Variants in DISC1 observed in about 807,000 individuals in gnomAD.
The protein encoded by DISC1 is DISC1 scaffold protein, also known as disrupted in schizophrenia 1 protein.
DISC1 carries 57 observed loss-of-function variants against 84.5 expected under a neutral mutation model. The observed-to-expected ratio is 0.67, with a 90% CI of 0.55 to 0.84. The LOEUF is 0.84. Among genes scored for constraint, DISC1 ranks in the 40% least tolerant of loss-of-function variants. DISC1 has a pLI of 0.00. For missense variants in DISC1, 1,000 were observed against 1,057.8 expected (o/e 0.95, Z 0.76); for synonymous variants, 411 against 415.2 (o/e 0.99, Z 0.12).
chr1:232,039,421 G>A lies in DISC1; in HGVS notation c.*2590G>A, dbSNP rs201925191. ...TAACTGCCTTGAATTGTTTGAACCC[G>A]AAATAAGGGTTCTTTGGTACCTCTA... On this transcript the variant is annotated 3_prime_UTR_variant, in exon 13 of 13. Transcript: ENST00000439617. 8 of 152,134 alleles carry A rather than the reference G, an allele frequency of 5.3e-5. No individual in the cohort carries two copies. Among genetic ancestry groups the A allele is most frequent in the Non-Finnish European group, 8.8e-5 (6 of 68,020 alleles). The allele number at this position is 152,134 out of a possible 1,614,324, so 9.4% of individuals were successfully genotyped here.
At chr1:231,939,005 A>G (rs1303162804) in intron 9 of DISC1, among the ~76,000 whole-genome samples, 2 of 152,122 alleles carry the variant, frequency 1.3e-5, no homozygotes, top group African/African-American at 4.8e-5. Context: ...AGCATCTCAA[A>G]TGGGTCGCCT....
At chr1:231,949,620 G>A (rs1489934159) in intron 9 of DISC1, among the ~76,000 whole-genome samples, 6 of 152,234 alleles carry the variant, frequency 3.9e-5, no homozygotes, top group East Asian at 3.9e-4. Flanking sequence ...AAAACACTGC[G>A]TAGTCCGGAT....
At chr1:231,656,758 A>C (rs2061128409) in intron 1 of DISC1, among the ~76,000 whole-genome samples, 1 of 152,174 alleles carries the variant, frequency 6.6e-6, no homozygotes. Flanking sequence ...TCAATTAGCT[A>C]TTCTTCCTGA....
At chr1:231,820,710 G>A (rs1284673043) in intron 9 of DISC1, among the ~76,000 whole-genome samples, 5 of 152,262 alleles carry the variant, frequency 3.3e-5, no homozygotes, top group Non-Finnish European at 7.4e-5. Flanking sequence ...AACAAAGAAG[G>A]AAGAGAGCTC....
chr1:231,638,581 A>G (rs2059379143), intron 1 of DISC1, among the ~76,000 whole-genome samples: 1 of 152,122 alleles, frequency 6.6e-6, no homozygotes, highest in Non-Finnish European at 1.5e-5. Flanking sequence ...TTTCCCCAGT[A>G]TCATTTATTG....
intron 3 of DISC1, among the ~76,000 whole-genome samples, chr1:231,721,523 A>G (rs1045851450): frequency 2.0e-5 from 3 of 152,180 alleles, no homozygotes; most frequent in Non-Finnish European, 4.4e-5. Context: ...TTTCTTAAAG[A>G]CCTTATACAA....
rs1321473055 is a variant in DISC1 at position 231,713,680 on chromosome 1, GATATATATATATATATATAGGAGAT to G, written c.1117+11687_1117+11711del. Among the ~76,000 whole-genome samples the G allele has an allele frequency of 1.6e-3, 192 of 120,800 alleles. 1 individual carries two copies. Among genetic ancestry groups the G allele is most frequent in the East Asian group, 6.2e-3 (27 of 4,326 alleles). 79.2% of individuals were successfully genotyped at this position (120,800 alleles called of 152,430 possible). A position where few individuals can be genotyped will look rare whatever the true frequency, so the allele number is the denominator to read the frequency against. ...GGGACCTCTAGGACATCATGAAGCA[GATATATATATATATATATAGGAGAT>G]ATATATATATATATATATAGGAGAT... On this transcript the variant is annotated intron_variant, in intron 3 of 12. Coordinates refer to ENST00000439617, the MANE Select transcript of DISC1 (RefSeq NM_018662.3).
chr1:231,689,309 C>A (rs1344687894), intron 1 of DISC1, among the ~76,000 whole-genome samples: 1 of 151,998 alleles, frequency 6.6e-6, no homozygotes, highest in African/African-American at 2.4e-5. Context: ...GCCAAGTGAC[C>A]TGCCCAAGCC....
chr1:231,861,602 A>G (rs932475203), intron 9 of DISC1, among the ~76,000 whole-genome samples: 1 of 151,984 alleles, frequency 6.6e-6, no homozygotes, highest in Non-Finnish European at 1.5e-5. Context: ...TAGCCACTAT[A>G]TCTTGAGTAA....
At chr1:231,822,638 G>C (rs771845162) in intron 9 of DISC1, among the ~76,000 whole-genome samples, 3 of 152,090 alleles carry the variant, frequency 2.0e-5, no homozygotes, top group African/African-American at 7.2e-5. Context: ...ATGAAAGGAA[G>C]CATGAGTGTC....
At chr1:231,871,284 G>T (rs553602023) in intron 9 of DISC1, among the ~76,000 whole-genome samples, 2 of 152,176 alleles carry the variant, frequency 1.3e-5, no homozygotes, top group African/African-American at 4.8e-5. Context: ...GGCAGGTTCC[G>T]AGGGCAGCAC....
chr1:231,722,625 A>G (rs765212914), intron 3 of DISC1: 1 of 1,614,146 alleles, frequency 6.2e-7, no homozygotes, highest in Non-Finnish European at 8.5e-7. Context: ...ATTTAAACAA[A>G]GCAAGACAAA....
At chr1:231,861,019 T>G (rs1214838139) in intron 9 of DISC1, among the ~76,000 whole-genome samples, 1 of 152,234 alleles carries the variant, frequency 6.6e-6, no homozygotes, top group Admixed American at 6.5e-5. Flanking sequence ...TCAAATGGTA[T>G]TGTGTTTTTC....
At chr1:231,778,672 T>TAAAGGAGGAAGAGGATTGGA (rs2077147305) in intron 6 of DISC1, among the ~76,000 whole-genome samples, 1 of 152,034 alleles carries the variant, frequency 6.6e-6, no homozygotes, top group Non-Finnish European at 1.5e-5. Context: ...TATAATCTGG[T>TAAAGGAGGAAGAGGATTGGA]AAAGGAGGAA....
intron 10 of DISC1, among the ~76,000 whole-genome samples, chr1:231,981,715 T>C (rs190677557): frequency 6.6e-6 from 1 of 152,328 alleles, no homozygotes; most frequent in East Asian, 1.9e-4. Context: ...GAACTGTCCC[T>C]ATCCAGAATA....
chr1:232,022,127 T>A lies in DISC1; in HGVS notation c.2308-4308T>A, dbSNP rs1461913908. Among the ~76,000 whole-genome samples, 3 of 152,278 alleles carry A rather than the reference T, an allele frequency of 2.0e-5. 1 individual carries two copies. The East Asian group carries it at 5.8e-4, about 29-fold the overall frequency. On this transcript the variant is annotated intron_variant, in intron 11 of 12. Coordinates refer to ENST00000439617, the MANE Select transcript of DISC1 (RefSeq NM_018662.3). ...GGCCATCCAGGTTTAACAGGAGAAG[T>A]AATAAACTCTGTTTTTTGATGGTGG... is the stretch of plus-strand genomic sequence containing the variant.
At chr1:232,035,541 A>G (rs1464443792) in intron 12 of DISC1, among the ~76,000 whole-genome samples, 2 of 152,168 alleles carry the variant, frequency 1.3e-5, no homozygotes, top group Non-Finnish European at 1.5e-5. Flanking sequence ...TGGGAAAACC[A>G]CATTGTAGTG....
chr1:231,934,205 C>T (rs1006851978), intron 9 of DISC1, among the ~76,000 whole-genome samples: 2 of 152,190 alleles, frequency 1.3e-5, no homozygotes, highest in Non-Finnish European at 2.9e-5. Flanking sequence ...TAGACACACC[C>T]TTTGCTTCAG....
At chr1:232,016,844 A>G (rs1668530803) in intron 11 of DISC1, among the ~76,000 whole-genome samples, 1 of 152,236 alleles carries the variant, frequency 6.6e-6, no homozygotes, top group South Asian at 2.1e-4. Context: ...GATGCTTTTA[A>G]AAGAAATACG....
Sources: allele counts gnomAD v4.1 joint callset (sites outside exome capture counted in the v4.1 genomes callset), GRCh38; gene constraint gnomAD v4.1.1; transcripts MANE v1.5; gene names NCBI Gene and HGNC (gene_info 2026-07-23, HGNC 2026-07-21).